The following WDR12 variants were observed in gnomAD, a reference collection of about 807,000 sequenced individuals.
WDR12 encodes the protein WD repeat domain 12.
Under a neutral mutation model 64.3 loss-of-function variants are expected in WDR12, and 42 were observed. That is an observed-to-expected ratio of 0.65 (90% confidence interval 0.51 to 0.84). The LOEUF is 0.84. WDR12 is among the 40% of genes least tolerant of loss of function. The probability of loss-of-function intolerance (pLI) is 0.00; values close to 1 mark genes in which losing one functional copy is unlikely to be tolerated. For synonymous variants in WDR12, 158 were observed against 173.3 expected (o/e 0.91, Z 0.70); for missense variants, 469 against 494.6 (o/e 0.95, Z 0.49).
At chr2:202,897,438 G>T in intron 4 of WDR12, 23 bp from the exon 5 acceptor site, 1 of 1,421,502 alleles carries the variant, frequency 7.0e-7, no homozygotes, top group South Asian at 1.4e-5. Flanking sequence ...AAAATCTTAT[G>T]AAACACAAAA....
In WDR12 at chr2:202,877,427, A is replaced by T. The variant is rs1687879337; in HGVS notation, c.*3433T>A. The T allele has an allele frequency of 6.6e-6, 1 of 152,174 alleles. No homozygotes were observed. Among genetic ancestry groups the T allele is most frequent in the Non-Finnish European group, 1.5e-5 (1 of 68,026 alleles). 9.4% of individuals were successfully genotyped at this position (152,174 alleles called of 1,614,324 possible). On this transcript the variant is annotated 3_prime_UTR_variant, in exon 13 of 13. Transcript: ENST00000261015. ...CTTTGGGAGGTCCAGGTGGGCAGAC[A>T]GCTTGAGCCCAGGAGTTCAAGACCA... is the stretch of plus-strand genomic sequence containing the variant.
intron 8 of WDR12, among the ~76,000 whole-genome samples, chr2:202,891,424 A>G (rs114348451): frequency 0.011 from 1,682 of 152,334 alleles, 23 homozygotes; most frequent in Middle Eastern, 0.034. Flanking sequence ...TGCTGGGATT[A>G]TAGGCCTGAG....
At chr2:202,887,693 C>T (rs1688072571) in intron 8 of WDR12, among the ~76,000 whole-genome samples, 1 of 150,122 alleles carries the variant, frequency 6.7e-6, no homozygotes, top group South Asian at 2.1e-4. Flanking sequence ...TCGAGACCAT[C>T]CTGGCTAACA....
chr2:202,874,359 GTTTTCCTCCATTGTATAGAC>G lies in WDR12; in HGVS notation c.*6481_*6500del, dbSNP rs1203387763. Among the ~76,000 whole-genome samples, 2 of 152,080 alleles carry G rather than the reference GTTTTCCTCCATTGTATAGAC, an allele frequency of 1.3e-5. No individual in the cohort carries two copies. The highest frequency in any genetic ancestry group is 2.9e-5 in the Non-Finnish European group (2 of 68,006). On this transcript the variant is annotated 3_prime_UTR_variant, in exon 13 of 13. Coordinates refer to ENST00000261015, the MANE Select transcript of WDR12 (RefSeq NM_018256.4). ...CACTTATACTAAGGGGAAAAAAGGGGTTTTCCTCCATTGTATAGACTTTTACAAGCTAACTAGACAAGAAC... is the reference window on the plus strand; with the variant it reads ...CACTTATACTAAGGGGAAAAAAGGGGTTTTACAAGCTAACTAGACAAGAAC...
intron 5 of WDR12, 43 bp from the exon 6 acceptor site, chr2:202,896,262 C>T (rs1688240504): frequency 4.4e-6 from 7 of 1,588,918 alleles, no homozygotes; most frequent in Non-Finnish European, 6.0e-6. Context: ...AATCAGTATA[C>T]CATTTAGAAT....
At chr2:202,890,370 T>C (rs1688133286) in intron 8 of WDR12, among the ~76,000 whole-genome samples, 1 of 152,218 alleles carries the variant, frequency 6.6e-6, no homozygotes, top group Admixed American at 6.5e-5. Context: ...TGATTACCTT[T>C]AGGGAGCTAC....
intron 8 of WDR12, among the ~76,000 whole-genome samples, chr2:202,886,448 A>G (rs1574402994): frequency 6.6e-6 from 1 of 151,612 alleles, no homozygotes; most frequent in Non-Finnish European, 1.5e-5. Flanking sequence ...ACACAGTGAG[A>G]GTCTGTCTCT....
Position 202,896,168 on chromosome 2 carries a change from AAG to A in WDR12, c.504_505del (p.Leu169MetfsTer17). 1 of 1,614,086 alleles carries A rather than the reference AAG, an allele frequency of 6.2e-7. No individual in the cohort carries two copies. Among genetic ancestry groups the A allele is most frequent in the East Asian group, 2.2e-5 (1 of 44,860 alleles). The stretch of plus-strand genomic sequence containing the variant: ...GTTTCTCTCTACATTCCACTCCCAT[AAG>A]AGAATAGTCTGATCCATAGAAGCAC... On this transcript the variant is annotated frameshift_variant, in exon 6 of 13. Coordinates refer to ENST00000261015, the MANE Select transcript of WDR12 (RefSeq NM_018256.4). LOFTEE classifies it high-confidence loss of function.
intron 2 of WDR12, among the ~76,000 whole-genome samples, chr2:202,903,140 T>C (rs1688380427): frequency 1.3e-5 from 2 of 152,080 alleles, no homozygotes; most frequent in Non-Finnish European, 2.9e-5. Context: ...ATTAGTCCTG[T>C]CCCTCTAAAG....
rs1687897966 is a variant in WDR12, at chr2:202,878,408, C to T, written c.*2452G>A. The T allele has an allele frequency of 6.6e-6, 1 of 152,144 alleles. No individual in the cohort carries two copies. Among genetic ancestry groups the T allele is most frequent in the African/African-American group, 2.4e-5 (1 of 41,428 alleles). 9.4% of individuals were successfully genotyped at this position (152,144 alleles called of 1,614,324 possible). ...AGAAGATTTCCAGAGACTACAAATA[C>T]AATAAAATTTATACCAATCAGCACA... On this transcript the variant is annotated 3_prime_UTR_variant, in exon 13 of 13. Coordinates refer to ENST00000261015, the MANE Select transcript of WDR12 (RefSeq NM_018256.4).
chr2:202,877,808 C>T lies in WDR12; in HGVS notation c.*3052G>A, dbSNP rs1252345225. ...TGTCAGGTTCCTAGCTTTTCCCCAACCACGGGAAAGCAGCACCACTCATTT... is the reference window on the plus strand; with the variant it reads ...TGTCAGGTTCCTAGCTTTTCCCCAATCACGGGAAAGCAGCACCACTCATTT... On this transcript the variant is annotated 3_prime_UTR_variant, in exon 13 of 13. Coordinates refer to ENST00000261015, the MANE Select transcript of WDR12 (RefSeq NM_018256.4). 6.6e-6 allele frequency: 1 copy of T among 152,276 alleles called. No individual in the cohort carries two copies. The highest frequency in any genetic ancestry group is 1.5e-5 in the Non-Finnish European group (1 of 68,086). 9.4% of individuals were successfully genotyped at this position (152,276 alleles called of 1,614,324 possible). A position where few individuals can be genotyped will look rare whatever the true frequency, so the allele number is the denominator to read the frequency against.
In WDR12 at chr2:202,880,259, C is replaced by A. The variant is rs1346306077; in HGVS notation, c.*601G>T. ...GGATTTCCAATATAACCTTTTACAG[C>A]ATTTCAAAAACAAATCTTAATTCGG... On this transcript the variant is annotated 3_prime_UTR_variant, in exon 13 of 13. Transcript: ENST00000261015. 1 of 152,046 alleles carries A rather than the reference C, an allele frequency of 6.6e-6. No homozygotes were observed. The highest frequency in any genetic ancestry group is 1.9e-4 in the East Asian group (1 of 5,186). 9.4% of individuals were successfully genotyped at this position (152,046 alleles called of 1,614,324 possible). A position where few individuals can be genotyped will look rare whatever the true frequency, so the allele number is the denominator to read the frequency against.
Position 202,911,588 on chromosome 2 carries a change from G to C in WDR12, c.-112C>G. 1.0e-6 allele frequency: 1 copy of C among 973,888 alleles called. No homozygotes were observed. The highest frequency in any genetic ancestry group is 1.7e-6 in the Non-Finnish European group (1 of 605,310). The allele number at this position is 973,888 out of a possible 1,614,324, so 60.3% of individuals were successfully genotyped here. A position where few individuals can be genotyped will look rare whatever the true frequency, so the allele number is the denominator to read the frequency against. On this transcript the variant is annotated 5_prime_UTR_variant, in exon 1 of 13. Transcript: ENST00000261015. ...AGGCAGCTCAAAATTAGACTGCACA[G>C]GTAAGCGAGGAACTGCAGTCTAAGC... is the stretch of plus-strand genomic sequence containing the variant.
At chr2:202,897,015 C>CA (rs1256137483) in intron 5 of WDR12, among the ~76,000 whole-genome samples, 7 of 151,488 alleles carry the variant, frequency 4.6e-5, no homozygotes, top group African/African-American at 7.3e-5. Context: ...CAAAACAAAA[C>CA]AAACAAACAA....
intron 1 of WDR12, among the ~76,000 whole-genome samples, chr2:202,908,280 C>T (rs1414603849): frequency 6.6e-6 from 1 of 152,196 alleles, no homozygotes; most frequent in Non-Finnish European, 1.5e-5. Flanking sequence ...GAAAAGATAA[C>T]TGTTAAGCAA....
At position 202,878,237 on chromosome 2, in the gene WDR12, A is replaced by G. The variant is rs925610155; in HGVS notation, c.*2623T>C. 6.6e-6 allele frequency: 1 copy of G among 152,188 alleles called. No homozygotes were observed. The highest frequency in any genetic ancestry group is 2.4e-5 in the African/African-American group (1 of 41,430). The allele number at this position is 152,188 out of a possible 1,614,324, so 9.4% of individuals were successfully genotyped here. A position where few individuals can be genotyped will look rare whatever the true frequency, so the allele number is the denominator to read the frequency against. ...ATGCATCTGATATATAGGCTTCTTT[A>G]TCTTTAACCATCTAGTTTATACAGA... On this transcript the variant is annotated 3_prime_UTR_variant, in exon 13 of 13. Transcript: ENST00000261015.
intron 8 of WDR12, among the ~76,000 whole-genome samples, chr2:202,890,824 A>G (rs1688142821): frequency 6.6e-6 from 1 of 151,408 alleles, no homozygotes; most frequent in Non-Finnish European, 1.5e-5. Flanking sequence ...GCTACATGCC[A>G]AACTTTAAAA....
intron 8 of WDR12, among the ~76,000 whole-genome samples, chr2:202,889,927 A>G (rs955363355): frequency 6.6e-6 from 1 of 151,904 alleles, no homozygotes; most frequent in Non-Finnish European, 1.5e-5. Context: ...TCAAAAGAAT[A>G]ATAAATAGCC....
chr2:202,902,853 C>T (rs1688373865), intron 2 of WDR12, among the ~76,000 whole-genome samples: 1 of 152,116 alleles, frequency 6.6e-6, no homozygotes, highest in South Asian at 2.1e-4. Context: ...AATCCCAGTA[C>T]TTTGGGAGGC....
Sources: gnomAD v4.1 joint callset for allele counts (sites outside exome capture counted in the v4.1 genomes callset) on GRCh38, gnomAD v4.1.1 for gene constraint, MANE v1.5 for transcripts, NCBI Gene and HGNC (gene_info 2026-07-23, HGNC 2026-07-21) for gene names.